SLC5A2: variants seen among roughly 807,000 people sequenced by gnomAD.
The protein encoded by SLC5A2 is sodium/glucose cotransporter 2.
Under a neutral mutation model 69.0 loss-of-function variants are expected in SLC5A2, and 67 were observed. The ratio of observed to expected loss-of-function variants is 0.97; its 90% CI spans 0.80 to 1.19. The LOEUF is 1.19. Ranked by LOEUF, SLC5A2 falls within the 50% of genes most tolerant of loss-of-function variation. SLC5A2 has a pLI of 0.00. For synonymous variants in SLC5A2, 455 were observed against 395.8 expected, an observed-to-expected ratio of 1.15 and a Z score of -1.78; for missense variants, 1,001 against 921.5, an observed-to-expected ratio of 1.09 and a Z score of -1.12.
intron 8 of SLC5A2, 49 bp from the exon 9 acceptor site, chr16:31,488,334 T>C (rs1047354868): frequency 1.2e-6 from 2 of 1,603,990 alleles, no homozygotes; most frequent in African/African-American, 2.7e-5. Context: ...CCTCCTGGGA[T>C]TCCCAGACCA....
intron 12 of SLC5A2, 68 bp from the exon 13 acceptor site, chr16:31,490,036 C>T: frequency 6.2e-7 from 1 of 1,605,416 alleles, no homozygotes; most frequent in Non-Finnish European, 8.5e-7. Context: ...AGCTGGTGTG[C>T]AAGAGACTTT....
intron 1 of SLC5A2, among the ~76,000 whole-genome samples, chr16:31,484,301 A>C (rs1434460226): frequency 1.3e-5 from 2 of 151,538 alleles, no homozygotes; most frequent in Admixed American, 6.6e-5. Context: ...TGTGCCTATA[A>C]TCCCAGCTAC....
intron 12 of SLC5A2, 54 bp downstream of exon 12, chr16:31,489,392 G>A (rs948150038): frequency 1.3e-6 from 2 of 1,512,426 alleles, no homozygotes; most frequent in Non-Finnish European, 9.0e-7. Flanking sequence ...CCTACCCTCT[G>A]CTTCCTGGAG....
chr16:31,486,038 G>T, intron 4 of SLC5A2, 132 bp from the exon 5 acceptor site: 1 of 1,185,150 alleles, frequency 8.4e-7, no homozygotes. Context: ...GAATGTCTCC[G>T]GGGCACCAGC....
rs367548668 is a variant in SLC5A2, at chr16:31,487,531, C to T, written c.657C>T (p.Ala219=). The change falls in exon 7 of 14, where the codon GCC becomes GCT. Residue 219 remains alanine, a splice_region_variant and synonymous_variant. Coordinates refer to ENST00000330498, the MANE Select transcript of SLC5A2 (RefSeq NM_003041.4). ...TCCCCTGACGGCCTTGCCCGGCAGCCTTCCACGAGGTGGGCGGGTATTCGG... is the reference window on the plus strand; with the variant it reads ...TCCCCTGACGGCCTTGCCCGGCAGCTTTCCACGAGGTGGGCGGGTATTCGG... ...LGGACILMGY[A]FHEVGGYSGL... 21 of 1,613,820 alleles carry T rather than the reference C, an allele frequency of 1.3e-5. No homozygotes were observed. Among genetic ancestry groups the T allele is most frequent in the Non-Finnish European group, 1.6e-5 (19 of 1,179,970 alleles).
chr16:31,489,941 G>A, intron 12 of SLC5A2, 163 bp from the exon 13 acceptor site: 1 of 894,118 alleles, frequency 1.1e-6, no homozygotes, highest in Non-Finnish European at 1.8e-6. Context: ...AGGGCACAGG[G>A]CAGCCATGTA....
rs765787544 is a variant in SLC5A2, at chr16:31,488,102, G to A, written c.950G>A (p.Cys317Tyr). 9 of 1,614,118 alleles carry A rather than the reference G, an allele frequency of 5.6e-6. No homozygotes were observed. The South Asian group carries it at 8.8e-5, about 16-fold the overall frequency. The stretch of plus-strand genomic sequence containing the variant: ...CACATCAAGGCGGGCTGCATCCTGT[G>A]TGGGTACCTGAAGCTGACGCCCATG... ...LTHIKAGCILCGYLKLTPMFL... is the reference protein window; with the variant it reads ...LTHIKAGCILYGYLKLTPMFL... The change falls in exon 8 of 14, where the codon TGT becomes TAT. Residue 317 changes from cysteine to tyrosine, a missense_variant. Coordinates refer to ENST00000330498, the MANE Select transcript of SLC5A2 (RefSeq NM_003041.4).
At chr16:31,485,424 G>A (rs1859129841) in intron 3 of SLC5A2, 2 of 506,010 alleles carry the variant, frequency 4.0e-6, no homozygotes, top group Non-Finnish European at 7.2e-6. Context: ...GGTGGCTTTG[G>A]CTCAGGTCAG....
In SLC5A2 at chr16:31,488,489, C is replaced by A. The variant is rs759752521; in HGVS notation, c.1128C>A (p.Asn376Lys). ...GGCTCGTCGTGAAGCTCATGCCCAA[C>A]GGTAAGGGCAGCCCCGGGCCACAGG... ...YPRLVVKLMP[N>K]GLRGLMLAVM... The change falls in exon 9 of 14, where the codon AAC (asparagine) becomes AAA (lysine). Residue 376 changes from asparagine (N) to lysine (K), a missense_variant and splice_region_variant. Physicochemically the swap from Asn to Lys is moderately conservative, Grantham distance 94. Coordinates refer to ENST00000330498, the MANE Select transcript of SLC5A2 (RefSeq NM_003041.4). The A allele has an allele frequency of 1.2e-6, 2 of 1,607,448 alleles. No homozygotes were observed. The highest frequency in any genetic ancestry group is 1.7e-4 in the Middle Eastern group (1 of 5,992).
At chr16:31,488,264 C>T in intron 8 of SLC5A2, 91 bp downstream of exon 8, 1 of 1,606,512 alleles carries the variant, frequency 6.2e-7, no homozygotes, top group Non-Finnish European at 8.5e-7. Flanking sequence ...CAGTTTGGGC[C>T]CGGAGTCCCG....
chr16:31,484,976 G>T (rs2082484580), intron 3 of SLC5A2, 53 bp downstream of exon 3: 21 of 1,501,516 alleles, frequency 1.4e-5, no homozygotes, highest in Non-Finnish European at 1.9e-5. Flanking sequence ...CACCTGGAAG[G>T]GTCACACCTT....
At chr16:31,487,425 G>A (rs774763164) in intron 6 of SLC5A2, 25 bp downstream of exon 6, 19 of 1,612,488 alleles carry the variant, frequency 1.2e-5, no homozygotes, top group Middle Eastern at 1.6e-4. Context: ...ACCAGGGAGG[G>A]GCGCGGAGGG....
intron 3 of SLC5A2, 51 bp from the exon 4 acceptor site, chr16:31,485,678 C>A (rs755901048): frequency 1.9e-6 from 3 of 1,604,280 alleles, no homozygotes; most frequent in Non-Finnish European, 2.5e-6. Context: ...GAGGTCAGAT[C>A]CTCAGGGATG....
intron 9 of SLC5A2, 46 bp downstream of exon 9, chr16:31,488,536 G>C: frequency 6.2e-7 from 1 of 1,600,918 alleles, no homozygotes; most frequent in Non-Finnish European, 8.5e-7. Flanking sequence ...TGCGGAGCCC[G>C]CTGCTGGGAG....
In SLC5A2 at chr16:31,488,490, G is replaced by A. The variant is rs752665468; in HGVS notation, c.1129G>A (p.Gly377Ser). ...GCTCGTCGTGAAGCTCATGCCCAACGGTAAGGGCAGCCCCGGGCCACAGGC... is the reference window on the plus strand; with the variant it reads ...GCTCGTCGTGAAGCTCATGCCCAACAGTAAGGGCAGCCCCGGGCCACAGGC... ...PRLVVKLMPNGLRGLMLAVML... is the reference protein window; with the variant it reads ...PRLVVKLMPNSLRGLMLAVML... Residue 377 changes from glycine to serine, a missense_variant and splice_region_variant, in exon 9 of 14, where the codon GGT becomes AGT. Physicochemically the swap from Gly to Ser is moderately conservative, Grantham distance 56. Coordinates refer to ENST00000330498, the MANE Select transcript of SLC5A2 (RefSeq NM_003041.4). 1.9e-6 allele frequency: 3 copies of A among 1,606,926 alleles called. No homozygotes were observed. The highest frequency in any genetic ancestry group is 1.1e-5 in the South Asian group (1 of 90,152).
Position 31,487,652 on chromosome 16 carries a change from C to T in SLC5A2, c.778C>T (p.Pro260Ser). The change falls in exon 7 of 14, where the codon CCC becomes TCC. Residue 260 changes from proline (P) to serine (S), a missense_variant. By Grantham distance (74) the Pro-to-Ser change is moderately conservative. Transcript: ENST00000330498. ...NISSFCYRPR[P>S]DSYHLLRHPV... ...CTCCAGCTTCTGCTATCGACCCCGGCCCGACTCCTACCACCTGCTCCGGCA... is the reference window on the plus strand; with the variant it reads ...CTCCAGCTTCTGCTATCGACCCCGGTCCGACTCCTACCACCTGCTCCGGCA... 1 of 1,613,852 alleles carries T rather than the reference C, an allele frequency of 6.2e-7. No individual in the cohort carries two copies.
At chr16:31,487,431 G>C in intron 6 of SLC5A2, 31 bp downstream of exon 6, 1 of 1,612,478 alleles carries the variant, frequency 6.2e-7, no homozygotes, top group Non-Finnish European at 8.5e-7. Flanking sequence ...GAGGGGCGCG[G>C]AGGGCATGGT....
intron 7 of SLC5A2, 96 bp downstream of exon 7, chr16:31,487,855 C>T (rs975514717): frequency 3.5e-6 from 5 of 1,430,294 alleles, no homozygotes; most frequent in Admixed American, 2.0e-5. Flanking sequence ...CGGTCTAAGG[C>T]GCAGTCTGAG....
At position 31,489,463 on chromosome 16, in the gene SLC5A2, C is replaced by G; in HGVS notation, c.1665+125C>G. 4 of 837,872 alleles carry G rather than the reference C, an allele frequency of 4.8e-6. No individual in the cohort carries two copies. The South Asian group carries it at 5.8e-5, about 12-fold the overall frequency. 51.9% of individuals were successfully genotyped at this position (837,872 alleles called of 1,614,324 possible). A position where few individuals can be genotyped will look rare whatever the true frequency, so the allele number is the denominator to read the frequency against. On this transcript the variant is annotated intron_variant, in intron 12 of 13. Transcript: ENST00000330498. The stretch of plus-strand genomic sequence containing the variant: ...GGTTGGGAATGGGCTGGGGGTCCAG[C>G]TGCAGTTGCAATTGCCGAGCAAGAA...
Sources: gnomAD v4.1 joint callset for allele counts (sites outside exome capture counted in the v4.1 genomes callset) on GRCh38, gnomAD v4.1.1 for gene constraint, MANE v1.5 for transcripts, NCBI Gene and HGNC (gene_info 2026-07-23, HGNC 2026-07-21) for gene names.